Variants in MARK3 observed in about 807,000 individuals in gnomAD.
MARK3 encodes the protein microtubule affinity regulating kinase 3.
A neutral mutation model predicts 90.1 loss-of-function variants in MARK3; 46 were observed. The observed-to-expected ratio is 0.51, with a 90% CI of 0.40 to 0.65. The LOEUF is 0.65. Among genes scored for constraint, MARK3 ranks in the 30% least tolerant of loss-of-function variants. The pLI is 0.00. For missense variants in MARK3, 818 were observed against 947.2 expected (o/e 0.86, Z 1.79); for synonymous variants, 321 against 332.6 (o/e 0.97, Z 0.38).
chr14:103,439,041 T>G (rs2092786073), intron 3 of MARK3, among the ~76,000 whole-genome samples: 2 of 152,136 alleles, frequency 1.3e-5, no homozygotes, highest in Non-Finnish European at 2.9e-5. Context: ...TTTTACATTT[T>G]TAGAAAACTG....
At chr14:103,470,807 G>C (rs144817740) in intron 12 of MARK3, among the ~76,000 whole-genome samples, 128 of 152,144 alleles carry the variant, frequency 8.4e-4, no homozygotes, top group African/African-American at 3.0e-3. Context: ...CTTTCATCTT[G>C]AGATTTGACA....
chr14:103,486,880 C>T (rs1439799281), intron 14 of MARK3, among the ~76,000 whole-genome samples: 2 of 151,178 alleles, frequency 1.3e-5, no homozygotes, highest in Non-Finnish European at 2.9e-5. Context: ...TATTTAATTG[C>T]CTTTAAAATT....
At chr14:103,391,007 A>G (rs893773500) in intron 1 of MARK3, among the ~76,000 whole-genome samples, 1 of 152,218 alleles carries the variant, frequency 6.6e-6, no homozygotes, top group Non-Finnish European at 1.5e-5. Flanking sequence ...CACCACACTC[A>G]GTCAAAACTA....
At chr14:103,407,802 G>T (rs1465776109) in intron 2 of MARK3, among the ~76,000 whole-genome samples, 1 of 151,932 alleles carries the variant, frequency 6.6e-6, no homozygotes, top group Non-Finnish European at 1.5e-5. Context: ...CTGGTGATCT[G>T]CCCGCCTCAA....
At chr14:103,406,637 C>G (rs2140721967) in intron 2 of MARK3, among the ~76,000 whole-genome samples, 1 of 148,400 alleles carries the variant, frequency 6.7e-6, no homozygotes, top group South Asian at 2.1e-4. Context: ...GAGTCTCACT[C>G]TGTCACCCAG....
chr14:103,403,640 C>A (rs1345128029), intron 1 of MARK3, among the ~76,000 whole-genome samples: 2 of 152,164 alleles, frequency 1.3e-5, no homozygotes, highest in Admixed American at 6.5e-5. Flanking sequence ...CACCCAGCTT[C>A]TTTTAAAACT....
At chr14:103,403,049 C>A (rs1484025999) in intron 1 of MARK3, among the ~76,000 whole-genome samples, 35 of 151,418 alleles carry the variant, frequency 2.3e-4, no homozygotes, top group Admixed American at 2.1e-3. Flanking sequence ...CCCCCCACCC[C>A]ATCCCTGCCC....
chr14:103,444,236 C>T (rs976675371), intron 3 of MARK3, among the ~76,000 whole-genome samples: 2 of 151,706 alleles, frequency 1.3e-5, no homozygotes, highest in Non-Finnish European at 2.9e-5. Context: ...TCTCTGATAC[C>T]GTAGATTTAG....
intron 15 of MARK3, among the ~76,000 whole-genome samples, chr14:103,494,949 G>T (rs1368887451): frequency 1.3e-5 from 2 of 152,088 alleles, no homozygotes; most frequent in Non-Finnish European, 2.9e-5. Flanking sequence ...TATATACATA[G>T]ATACAGTCAT....
Position 103,399,221 on chromosome 14 carries a change from T to C in MARK3, c.52-5855T>C, listed in dbSNP as rs146031137. Among the ~76,000 whole-genome samples, 3 of 152,348 alleles carry C rather than the reference T, an allele frequency of 2.0e-5. No individual in the cohort carries two copies. The East Asian group carries it at 5.8e-4, about 29-fold the overall frequency. ...AATGTTTTAATTTGTCTTCTGATTA[T>C]ACAGTGATTTACAATTCATGCTTCT... On this transcript the variant is annotated intron_variant, in intron 1 of 17. Coordinates refer to ENST00000429436, the MANE Select transcript of MARK3 (RefSeq NM_001128918.3).
At chr14:103,491,139 A>G (rs370237893) in intron 14 of MARK3, 3 of 1,238,320 alleles carry the variant, frequency 2.4e-6, no homozygotes, top group East Asian at 1.2e-4. Flanking sequence ...TGTGAAACTA[A>G]TGTGTACCCA....
intron 1 of MARK3, among the ~76,000 whole-genome samples, chr14:103,393,941 C>T (rs1447747187): frequency 6.6e-6 from 1 of 152,084 alleles, no homozygotes; most frequent in East Asian, 1.9e-4. Flanking sequence ...ACCATGTTAG[C>T]CAGGCTGGTC....
rs370093733 is a variant in MARK3, at chr14:103,466,079, C to T, written c.885C>T (p.Arg295=). ...TCCTGGTGCTAAATCCAATTAAACG[C>T]GGCACTCTAGAGGTAATCATGTAGG... ...KRFLVLNPIK[R]GTLEQIMKDR... is the part of the protein sequence containing the mutation. The change falls in exon 9 of 18, where the codon CGC becomes CGT. Residue 295 remains arginine (R), a synonymous_variant. Transcript: ENST00000429436. 32 of 1,613,710 alleles carry T rather than the reference C, an allele frequency of 2.0e-5. No homozygotes were observed. The highest frequency in any genetic ancestry group is 1.6e-4 in the Middle Eastern group (1 of 6,084).
chr14:103,414,925 G>T (rs1429887481), intron 2 of MARK3, among the ~76,000 whole-genome samples: 2 of 152,008 alleles, frequency 1.3e-5, no homozygotes, highest in Admixed American at 1.3e-4. Context: ...AAGGTCAAGA[G>T]ATCGAGACCT....
chr14:103,502,108 C>A (rs556740127), intron 17 of MARK3, among the ~76,000 whole-genome samples: 35 of 152,164 alleles, frequency 2.3e-4, no homozygotes, highest in Non-Finnish European at 1.2e-4. Flanking sequence ...GCTGGTAAAC[C>A]GCGGTGTTCC....
intron 5 of MARK3, among the ~76,000 whole-genome samples, chr14:103,455,929 G>C (rs2093268146): frequency 6.6e-6 from 1 of 152,068 alleles, no homozygotes; most frequent in Admixed American, 6.6e-5. Context: ...TTCCTTATTT[G>C]TATGAAGTAA....
intron 1 of MARK3, 89 bp downstream of exon 1, chr14:103,386,169 G>T (rs1295033166): frequency 1.6e-6 from 2 of 1,269,104 alleles, no homozygotes; most frequent in South Asian, 2.4e-5. Flanking sequence ...GTTCCCCCCA[G>T]CCGAACGCTC....
chr14:103,397,403 C>G (rs1448601349), intron 1 of MARK3, among the ~76,000 whole-genome samples: 4 of 151,556 alleles, frequency 2.6e-5, no homozygotes, highest in East Asian at 1.9e-4. Context: ...CTCGGCTCAC[C>G]GCAACCTCCG....
chr14:103,446,078 G>A (rs1301237714), intron 3 of MARK3, among the ~76,000 whole-genome samples: 4 of 152,194 alleles, frequency 2.6e-5, no homozygotes, highest in African/African-American at 9.7e-5. Flanking sequence ...ACAAACAGGT[G>A]CACAAAAATG....
Sources: gnomAD v4.1 joint callset for allele counts (sites outside exome capture counted in the v4.1 genomes callset) on GRCh38, gnomAD v4.1.1 for gene constraint, MANE v1.5 for transcripts, NCBI Gene and HGNC (gene_info 2026-07-23, HGNC 2026-07-21) for gene names.